Variants in FHIT observed in about 807,000 individuals in gnomAD.
FHIT encodes the protein fragile histidine triad diadenosine triphosphatase.
A neutral mutation model predicts 17.9 loss-of-function variants in FHIT; 19 were observed. That is an observed-to-expected ratio of 1.06 (90% confidence interval 0.74 to 1.56). The LOEUF (loss-of-function observed/expected upper bound fraction) is 1.56, where lower values mean the gene tolerates loss of function less well. Ranked by LOEUF, FHIT falls within the 40% of genes most tolerant of loss-of-function variation. FHIT has a pLI of 0.00. For missense variants in FHIT, 248 were observed against 189.2 expected (o/e 1.31, Z -1.82); for synonymous variants, 81 against 69.7 (o/e 1.16, Z -0.81).
chr3:60,993,205 T>C (rs1208922271), intron 3 of FHIT, among the ~76,000 whole-genome samples: 1 of 152,156 alleles, frequency 6.6e-6, no homozygotes, highest in African/African-American at 2.4e-5. Flanking sequence ...AAAAACACTA[T>C]CAAATAATAA....
rs147917763 is a variant in FHIT, at chr3:61,113,194, G to C, written c.-163-71095C>G. 1.5e-3 allele frequency among the ~76,000 whole-genome samples: 229 copies of C among 151,958 alleles called. 2 individuals are homozygous for C. Among genetic ancestry groups the C allele is most frequent in the Non-Finnish European group, 3.0e-3 (201 of 67,980 alleles). On this transcript the variant is annotated intron_variant, in intron 2 of 9. Transcript: ENST00000492590. ...AATGTTTTTATTTTTAATTTTTGTA[G>C]AGATGGGGTCTCACTGTGTTGCCCA...
chr3:60,342,493 A>T (rs1710575190), intron 5 of FHIT, among the ~76,000 whole-genome samples: 1 of 152,218 alleles, frequency 6.6e-6, no homozygotes, highest in East Asian at 1.9e-4. Flanking sequence ...TTAAATATAC[A>T]GTTTGTGTCT....
chr3:61,025,217 A>T (rs962732272), intron 3 of FHIT, among the ~76,000 whole-genome samples: 1 of 152,214 alleles, frequency 6.6e-6, no homozygotes, highest in Non-Finnish European at 1.5e-5. Flanking sequence ...CACAGGACTT[A>T]TATGTTATGG....
intron 5 of FHIT, among the ~76,000 whole-genome samples, chr3:60,461,455 T>C (rs1207121583): frequency 6.6e-6 from 1 of 152,086 alleles, no homozygotes; most frequent in East Asian, 1.9e-4. Context: ...AAACAATATG[T>C]CATCTTGTTC....
At chr3:60,336,396 C>G (rs1710242668) in intron 5 of FHIT, among the ~76,000 whole-genome samples, 1 of 152,166 alleles carries the variant, frequency 6.6e-6, no homozygotes, top group Non-Finnish European at 1.5e-5. Context: ...TCTTGAATGC[C>G]TATGAAAAGA....
intron 3 of FHIT, among the ~76,000 whole-genome samples, chr3:60,844,486 T>C (rs1217605505): frequency 6.6e-6 from 1 of 152,136 alleles, no homozygotes. Flanking sequence ...CCCCAGAATG[T>C]GATTCAACAC....
intron 7 of FHIT, among the ~76,000 whole-genome samples, chr3:59,976,573 G>A (rs1708421929): frequency 6.6e-6 from 1 of 151,954 alleles, no homozygotes; most frequent in East Asian, 1.9e-4. Context: ...AAAAAGGGGT[G>A]AAATTCTAAT....
At chr3:61,170,302 T>TATATGTAA (rs1168576764) in intron 2 of FHIT, among the ~76,000 whole-genome samples, 3 of 152,232 alleles carry the variant, frequency 2.0e-5, no homozygotes. Context: ...CATATGAATC[T>TATATGTAA]ATATGTAAAT....
intron 5 of FHIT, among the ~76,000 whole-genome samples, chr3:60,323,173 A>G (rs1436537819): frequency 1.3e-5 from 2 of 152,026 alleles, no homozygotes; most frequent in Non-Finnish European, 2.9e-5. Flanking sequence ...GGCCCAAAGT[A>G]CCTCCTCCCT....
intron 2 of FHIT, among the ~76,000 whole-genome samples, chr3:61,179,807 A>C (rs1237108251): frequency 6.6e-6 from 1 of 151,644 alleles, no homozygotes; most frequent in Admixed American, 6.6e-5. Flanking sequence ...TGACAGCCTC[A>C]GTGGAAGCAA....
Position 60,050,659 on chromosome 3 carries a change from C to T in FHIT, c.104-36507G>A, listed in dbSNP as rs989286621. 2.0e-4 allele frequency among the ~76,000 whole-genome samples: 30 copies of T among 152,204 alleles called. 1 individual carries two copies. The highest frequency in any genetic ancestry group is 1.5e-5 in the Non-Finnish European group (1 of 68,034). On this transcript the variant is annotated intron_variant, in intron 5 of 9. Transcript: ENST00000492590. ...ATCCCCGAGTCTCACAGATTCTACT[C>T]TCTATTCAAAAACTTCATTGTATTT... is the stretch of plus-strand genomic sequence containing the variant.
intron 4 of FHIT, among the ~76,000 whole-genome samples, chr3:60,710,641 G>A (rs2041501368): frequency 2.0e-5 from 3 of 152,196 alleles, no homozygotes; most frequent in African/African-American, 7.2e-5. Flanking sequence ...GGCTCGGAGG[G>A]TCCTACACCC....
chr3:60,197,517 A>G (rs1342145131), intron 5 of FHIT, among the ~76,000 whole-genome samples: 1 of 152,220 alleles, frequency 6.6e-6, no homozygotes, highest in Admixed American at 6.5e-5. Flanking sequence ...GAGTTGAGCT[A>G]AAGTAAATAT....
At chr3:60,752,820 G>C (rs1559695241) in intron 4 of FHIT, among the ~76,000 whole-genome samples, 1 of 152,084 alleles carries the variant, frequency 6.6e-6, no homozygotes, top group Non-Finnish European at 1.5e-5. Flanking sequence ...ATCCCACAGA[G>C]AGTTTCATTC....
intron 5 of FHIT, among the ~76,000 whole-genome samples, chr3:60,529,493 ATTAT>A (rs1386320659): frequency 3.4e-4 from 52 of 152,352 alleles, no homozygotes; most frequent in African/African-American, 1.2e-3. Context: ...TATATTCTGC[ATTAT>A]TTGAGTTAAT....
At chr3:60,616,077 C>A (rs1178688304) in intron 4 of FHIT, among the ~76,000 whole-genome samples, 1 of 152,142 alleles carries the variant, frequency 6.6e-6, no homozygotes, top group Non-Finnish European at 1.5e-5. Flanking sequence ...GTCATTAGGT[C>A]ACAATTCTTG....
intron 3 of FHIT, among the ~76,000 whole-genome samples, chr3:60,956,823 T>A (rs1553779057): frequency 6.6e-6 from 1 of 152,216 alleles, no homozygotes; most frequent in Non-Finnish European, 1.5e-5. Context: ...CATTGAAATT[T>A]CTTGATTTTT....
chr3:59,793,518 C>T (rs1699655489), intron 8 of FHIT, among the ~76,000 whole-genome samples: 1 of 152,128 alleles, frequency 6.6e-6, no homozygotes. Context: ...CTTGAGCCTC[C>T]TGGCTTCCAG....
chr3:60,902,397 T>C (rs1434729060), intron 3 of FHIT, among the ~76,000 whole-genome samples: 2 of 152,250 alleles, frequency 1.3e-5, no homozygotes, highest in South Asian at 2.1e-4. Flanking sequence ...TCCATGGTAA[T>C]AGGATTTGGA....
Sources: gnomAD v4.1 joint callset for allele counts (sites outside exome capture counted in the v4.1 genomes callset) on GRCh38, gnomAD v4.1.1 for gene constraint, MANE v1.5 for transcripts, NCBI Gene and HGNC (gene_info 2026-07-23, HGNC 2026-07-21) for gene names.